RBFOX1: variants seen among roughly 807,000 people sequenced by gnomAD.
RBFOX1 encodes the protein RNA binding protein fox-1 homolog 1.
A neutral mutation model predicts 57.7 loss-of-function variants in RBFOX1; 8 were observed. The observed-to-expected ratio is 0.14, with a 90% CI of 0.08 to 0.25. The LOEUF is 0.25. Among genes scored for constraint, RBFOX1 ranks in the 10% least tolerant of loss-of-function variants. RBFOX1 has a pLI of 1.00. For synonymous variants in RBFOX1, 326 were observed against 222.4 expected, an observed-to-expected ratio of 1.47 and a Z score of -4.15; for missense variants, 611 against 548.5, an observed-to-expected ratio of 1.11 and a Z score of -1.14.
chr16:5,826,576 C>G (rs1292595527), intron 3 of RBFOX1, among the ~76,000 whole-genome samples: 8 of 152,206 alleles, frequency 5.3e-5, no homozygotes, highest in Admixed American at 1.3e-4. Context: ...GTCAAGAAAA[C>G]TTTATTTACA....
intron 3 of RBFOX1, among the ~76,000 whole-genome samples, chr16:5,609,036 C>G (rs758310237): frequency 6.6e-6 from 1 of 152,128 alleles, no homozygotes; most frequent in Non-Finnish European, 1.5e-5. Flanking sequence ...AGCTTTTAAT[C>G]AAGAAAGACG....
intron 2 of RBFOX1, among the ~76,000 whole-genome samples, chr16:6,397,388 G>A (rs1259194049): frequency 6.6e-6 from 1 of 152,110 alleles, no homozygotes; most frequent in Non-Finnish European, 1.5e-5. Context: ...ACAATATAAT[G>A]ACGTCTTTTA....
At chr16:6,630,505 T>C (rs2098371086) in intron 2 of RBFOX1, among the ~76,000 whole-genome samples, 1 of 152,164 alleles carries the variant, frequency 6.6e-6, no homozygotes. Context: ...CATGGTCTTA[T>C]TTCGTACTTA....
chr16:7,221,569 G>T (rs2092734590), intron 4 of RBFOX1, among the ~76,000 whole-genome samples: 1 of 152,110 alleles, frequency 6.6e-6, no homozygotes, highest in Admixed American at 6.5e-5. Flanking sequence ...GTCGCACCAT[G>T]TTGGCCAGGG....
At chr16:6,825,922 A>G (rs2092068429) in intron 3 of RBFOX1, among the ~76,000 whole-genome samples, 1 of 152,162 alleles carries the variant, frequency 6.6e-6, no homozygotes, top group African/African-American at 2.4e-5. Flanking sequence ...CTTTAAATTC[A>G]AATCCTGGTT....
intron 2 of RBFOX1, chr16:6,483,269 T>G: frequency 7.6e-7 from 1 of 1,315,396 alleles, no homozygotes. Flanking sequence ...CGCCCGGGTG[T>G]TGATTGCCTC....
intron 4 of RBFOX1, among the ~76,000 whole-genome samples, chr16:7,300,628 G>T (rs983215595): frequency 2.0e-5 from 3 of 151,322 alleles, no homozygotes; most frequent in African/African-American, 7.3e-5. Context: ...TTTTTTTAGT[G>T]GAATGTCTGC....
chr16:7,214,613 G>A lies in RBFOX1; in HGVS notation c.27+162515G>A, dbSNP rs183496070. Among the ~76,000 whole-genome samples, 31 of 152,136 alleles carry A rather than the reference G, an allele frequency of 2.0e-4. 1 individual carries two copies. Among genetic ancestry groups the A allele is most frequent in the Admixed American group, 2.0e-3 (31 of 15,274 alleles). On this transcript the variant is annotated intron_variant, in intron 4 of 15. Transcript: ENST00000550418. ...TCTGCAGCCAGAGTAATAACTTTTA[G>A]TACAAATCTGATCATGTCTGAGCTA...
At chr16:7,065,704 C>T (rs756373696) in intron 4 of RBFOX1, among the ~76,000 whole-genome samples, 17 of 152,166 alleles carry the variant, frequency 1.1e-4, no homozygotes, top group African/African-American at 2.4e-4. Flanking sequence ...GAATATAATA[C>T]GCTGTGATTA....
At chr16:7,582,502 A>T (rs138337490) in intron 6 of RBFOX1, among the ~76,000 whole-genome samples, 8 of 152,154 alleles carry the variant, frequency 5.3e-5, no homozygotes, top group Non-Finnish European at 1.0e-4. Flanking sequence ...CTTTCCTGCC[A>T]AACACCGGTG....
intron 3 of RBFOX1, among the ~76,000 whole-genome samples, chr16:6,659,795 G>A (rs571585811): frequency 1.3e-5 from 2 of 152,308 alleles, no homozygotes; most frequent in South Asian, 4.1e-4. Context: ...CAGTGGGGTG[G>A]TCAGATGTCT....
intron 1 of RBFOX1, among the ~76,000 whole-genome samples, chr16:5,354,799 A>C (rs531818367): frequency 3.9e-4 from 59 of 152,332 alleles, no homozygotes; most frequent in African/African-American, 1.4e-3. Flanking sequence ...CACCACCTGC[A>C]TCTCAGGGGA....
At chr16:6,798,692 T>C (rs755486291) in intron 3 of RBFOX1, among the ~76,000 whole-genome samples, 1 of 152,204 alleles carries the variant, frequency 6.6e-6, no homozygotes, top group African/African-American at 2.4e-5. Context: ...ACTAATTAAG[T>C]TGTTTATATG....
chr16:7,122,660 C>T (rs192129616), intron 4 of RBFOX1, among the ~76,000 whole-genome samples: 4 of 152,194 alleles, frequency 2.6e-5, no homozygotes, highest in East Asian at 3.9e-4. Context: ...AACATTTTGA[C>T]AGTCCGTTAC....
intron 3 of RBFOX1, among the ~76,000 whole-genome samples, chr16:6,918,024 C>A (rs148694845): frequency 2.2e-4 from 34 of 152,142 alleles, no homozygotes; most frequent in Non-Finnish European, 4.6e-4. Context: ...CATTAGCTCA[C>A]GCCTGTAATC....
intron 14 of RBFOX1, among the ~76,000 whole-genome samples, chr16:7,677,108 C>G (rs1317079850): frequency 2.1e-5 from 3 of 145,406 alleles, no homozygotes; most frequent in Admixed American, 1.4e-4. Context: ...ATTTCTGTGA[C>G]AACGCACCTT....
At chr16:7,304,569 G>A in intron 4 of RBFOX1, 1 of 985,378 alleles carries the variant, frequency 1.0e-6, no homozygotes, top group South Asian at 4.7e-5. Context: ...GCGCTTCGGT[G>A]CCTTATGTAG....
intron 3 of RBFOX1, among the ~76,000 whole-genome samples, chr16:6,912,988 C>T (rs551517373): frequency 2.0e-5 from 3 of 152,050 alleles, no homozygotes; most frequent in Admixed American, 6.6e-5. Flanking sequence ...TGTTACCCAA[C>T]ACTGTGCTTT....
chr16:6,417,906 G>A (rs2093669685), intron 2 of RBFOX1, among the ~76,000 whole-genome samples: 2 of 151,996 alleles, frequency 1.3e-5, no homozygotes, highest in Admixed American at 6.6e-5. Flanking sequence ...TTCTGAGAAA[G>A]GATGTATGTT....
Sources: allele counts gnomAD v4.1 joint callset (sites outside exome capture counted in the v4.1 genomes callset), GRCh38; gene constraint gnomAD v4.1.1; transcripts MANE v1.5; gene names NCBI Gene and HGNC (gene_info 2026-07-23, HGNC 2026-07-21).